Variants in PEDS1 observed in about 807,000 individuals in gnomAD.
PEDS1 encodes the protein CarF homolog.
A neutral mutation model predicts 35.2 loss-of-function variants in PEDS1; 14 were observed. That is an observed-to-expected ratio of 0.40 (90% CI 0.26 to 0.62). The LOEUF (loss-of-function observed/expected upper bound fraction) is 0.62, where lower values mean the gene tolerates loss of function less well. Among genes scored for constraint, PEDS1 ranks in the 20% least tolerant of loss-of-function variants. The probability of loss-of-function intolerance (pLI) is 0.44; values close to 1 mark genes in which losing one functional copy is unlikely to be tolerated. For missense variants in PEDS1, 260 were observed against 367.8 expected, an observed-to-expected ratio of 0.71 and a Z score of 2.40; for synonymous variants, 152 against 152.0, an observed-to-expected ratio of 1.00 and a Z score of 0.00.
At chr20:50,146,344 G>A (rs190405943) in intron 1 of PEDS1, among the ~76,000 whole-genome samples, 3 of 152,212 alleles carry the variant, frequency 2.0e-5, no homozygotes, top group Non-Finnish European at 2.9e-5. Context: ...CTGTGGCCTT[G>A]TCTACGTTTG....
At chr20:50,136,098 T>A (rs545235139) in intron 2 of PEDS1, among the ~76,000 whole-genome samples, 1,847 of 145,654 alleles carry the variant, frequency 0.013, 41 homozygotes, top group African/African-American at 0.043. Flanking sequence ...CTACTTTTTT[T>A]AAAAAAAAAA....
In PEDS1 at chr20:50,129,209, C is replaced by A. The variant is rs888479005; in HGVS notation, c.478+337G>T. ...CAGAAGCCCTGCCAGGCAGGTAACA[C>A]AAATGAACAAGGTGGGTTGGGTGCA... On this transcript the variant is annotated intron_variant, in intron 4 of 5. Coordinates refer to ENST00000371652, the MANE Select transcript of PEDS1 (RefSeq NM_199129.4). This position sits in a 1 kb window ranked among gnomAD's most constrained non-coding sequence, Gnocchi z 4.2. Among the ~76,000 whole-genome samples the A allele has an allele frequency of 3.9e-5, 6 of 152,178 alleles. No homozygotes were observed. Among genetic ancestry groups the A allele is most frequent in the African/African-American group, 1.4e-4 (6 of 41,454 alleles).
Position 50,129,749 on chromosome 20 carries a change from C to T in PEDS1, c.334-59G>A. On this transcript the variant is annotated intron_variant, in intron 3 of 5. Coordinates refer to ENST00000371652, the MANE Select transcript of PEDS1 (RefSeq NM_199129.4). The surrounding 1 kb of genome is among the most constrained non-coding windows in gnomAD (Gnocchi z 4.2). ...GCCTAAGGTGGTCAGCTGCTCTCCA[C>T]AGCCCCCTAAACACATTCACCCTGG... 6.2e-7 allele frequency: 1 copy of T among 1,600,490 alleles called. No homozygotes were observed. The highest frequency in any genetic ancestry group is 1.3e-5 in the African/African-American group (1 of 74,922).
intron 2 of PEDS1, among the ~76,000 whole-genome samples, chr20:50,132,020 A>G (rs2081185794): frequency 6.6e-6 from 1 of 152,114 alleles, no homozygotes; most frequent in Admixed American, 6.6e-5. Context: ...CCTGGCCAAC[A>G]TGGTGAAACC....
intron 2 of PEDS1, among the ~76,000 whole-genome samples, chr20:50,140,052 C>T (rs2081276936): frequency 6.6e-6 from 1 of 152,204 alleles, no homozygotes; most frequent in Admixed American, 6.5e-5. Flanking sequence ...GCCTGCTCTG[C>T]CGATGACCTC....
chr20:50,141,501 G>A (rs1409984134), intron 2 of PEDS1, among the ~76,000 whole-genome samples: 1 of 152,208 alleles, frequency 6.6e-6, no homozygotes, highest in Non-Finnish European at 1.5e-5. Context: ...CTTCACAACA[G>A]CCCTAGGAGG....
At chr20:50,125,224 C>T (rs756797457) in intron 5 of PEDS1, 45 bp from the exon 6 acceptor site, 22 of 1,605,094 alleles carry the variant, frequency 1.4e-5, no homozygotes, top group Non-Finnish European at 1.7e-5. Flanking sequence ...AGAGAGTAGT[C>T]AAGGGGACAT....
At chr20:50,130,743 T>C (rs977068873) in intron 3 of PEDS1, 113 bp downstream of exon 3, 38 of 1,349,044 alleles carry the variant, frequency 2.8e-5, no homozygotes, top group Non-Finnish European at 3.7e-5. Context: ...CAGGCTGCAA[T>C]GATGGTTCCC....
intron 5 of PEDS1, among the ~76,000 whole-genome samples, chr20:50,126,411 A>G (rs2081104559): frequency 6.6e-6 from 1 of 152,078 alleles, no homozygotes; most frequent in Non-Finnish European, 1.5e-5. Flanking sequence ...TAATCCCTCC[A>G]CCTGCCTTCC....
At position 50,121,490 on chromosome 20, in the gene PEDS1, C is replaced by A. The variant is rs1449630120; in HGVS notation, c.*3568G>T. 1 of 152,274 alleles carries A rather than the reference C, an allele frequency of 6.6e-6. No individual in the cohort carries two copies. The highest frequency in any genetic ancestry group is 2.4e-5 in the African/African-American group (1 of 41,440). 9.4% of individuals were successfully genotyped at this position (152,274 alleles called of 1,614,324 possible). On this transcript the variant is annotated 3_prime_UTR_variant, in exon 6 of 6. Transcript: ENST00000371652. ...TCACTTCTCAGAGCTGCAGGGACTGCTTGACAGGACCCATGCCAGAGCTCT... is the reference window on the plus strand; with the variant it reads ...TCACTTCTCAGAGCTGCAGGGACTGATTGACAGGACCCATGCCAGAGCTCT...
chr20:50,147,035 A>G (rs2081352751), intron 1 of PEDS1, among the ~76,000 whole-genome samples: 2 of 152,250 alleles, frequency 1.3e-5, no homozygotes, highest in Non-Finnish European at 2.9e-5. Flanking sequence ...AGAACAAGTG[A>G]ACCTTCCCGA....
intron 1 of PEDS1, among the ~76,000 whole-genome samples, chr20:50,150,687 G>A (rs1274478973): frequency 9.4e-5 from 14 of 149,180 alleles, no homozygotes; most frequent in Admixed American, 3.3e-4. Context: ...TGCCAGCTCC[G>A]TTTTTTTCTT....
rs1393151218 is a variant in PEDS1, at chr20:50,124,681, G to A, written c.*377C>T. ...TGCCTGGGGGCTCCCCAGACCACTG[G>A]GGCCAGACAAGGAGGGAAAGAGGCA... On this transcript the variant is annotated 3_prime_UTR_variant, in exon 6 of 6. Coordinates refer to ENST00000371652, the MANE Select transcript of PEDS1 (RefSeq NM_199129.4). The A allele has an allele frequency of 4.8e-6, 1 of 207,234 alleles. No homozygotes were observed. Among genetic ancestry groups the A allele is most frequent in the Admixed American group, 5.2e-5 (1 of 19,088 alleles). 12.8% of individuals were successfully genotyped at this position (207,234 alleles called of 1,614,324 possible).
chr20:50,143,631 G>A lies in PEDS1; in HGVS notation c.122-10C>T, dbSNP rs763229343. The A allele has an allele frequency of 5.6e-6, 9 of 1,613,878 alleles. No homozygotes were observed. Among genetic ancestry groups the A allele is most frequent in the African/African-American group, 1.3e-5 (1 of 74,906 alleles). ...TCCTGGAGGCGCTTGCCTGCAGGGA[G>A]CAGAGGCGAGAGGTAAAGGCTGGAA... On this transcript the variant is annotated splice_polypyrimidine_tract_variant and intron_variant, in intron 1 of 5. Transcript: ENST00000371652.
In PEDS1 at chr20:50,153,658, C is replaced by G. The variant is rs976558691; in HGVS notation, c.-21G>C. ...GCCATGGCCACTCGCCCGATCGGCC[C>G]GGTGCGCTCTGCTGGCGGCGGCGGC... On this transcript the variant is annotated 5_prime_UTR_variant, in exon 1 of 6. Coordinates refer to ENST00000371652, the MANE Select transcript of PEDS1 (RefSeq NM_199129.4). 4.9e-6 allele frequency: 6 copies of G among 1,223,718 alleles called. No individual in the cohort carries two copies. The African/African-American group carries it at 7.8e-5, about 16-fold the overall frequency. The allele number at this position is 1,223,718 out of a possible 1,614,324, so 75.8% of individuals were successfully genotyped here. A position where few individuals can be genotyped will look rare whatever the true frequency, so the allele number is the denominator to read the frequency against.
At position 50,153,654 on chromosome 20, in the gene PEDS1, G is replaced by C. The variant is rs1168341357; in HGVS notation, c.-17C>G. On this transcript the variant is annotated 5_prime_UTR_variant, in exon 1 of 6. Transcript: ENST00000371652. ...GCCCGCCATGGCCACTCGCCCGATC[G>C]GCCCGGTGCGCTCTGCTGGCGGCGG... 7 of 1,225,864 alleles carry C rather than the reference G, an allele frequency of 5.7e-6. No homozygotes were observed. Among genetic ancestry groups the C allele is most frequent in the East Asian group, 6.4e-5 (2 of 31,164 alleles). The allele number at this position is 1,225,864 out of a possible 1,614,324, so 75.9% of individuals were successfully genotyped here.
Position 50,121,726 on chromosome 20 carries a change from C to G in PEDS1, c.*3332G>C, listed in dbSNP as rs2081052650. The G allele has an allele frequency of 6.6e-6, 1 of 152,206 alleles. No homozygotes were observed. The highest frequency in any genetic ancestry group is 6.5e-5 in the Admixed American group (1 of 15,272). The allele number at this position is 152,206 out of a possible 1,614,324, so 9.4% of individuals were successfully genotyped here. A position where few individuals can be genotyped will look rare whatever the true frequency, so the allele number is the denominator to read the frequency against. ...AAATGGTCTGAGTCTGAGGGCTGCT[C>G]TACCCTTACTACCTGTGGGACCTTG... is the stretch of plus-strand genomic sequence containing the variant. On this transcript the variant is annotated 3_prime_UTR_variant, in exon 6 of 6. Transcript: ENST00000371652.
Position 50,124,894 on chromosome 20 carries a change from G to T in PEDS1, c.*164C>A. On this transcript the variant is annotated 3_prime_UTR_variant, in exon 6 of 6. Transcript: ENST00000371652. ...AAAAAAAAGAAATGAAAAATCAGTG[G>T]CTCAAGTATTCTGTGTCATGAGGGG... 1.1e-6 allele frequency: 1 copy of T among 874,002 alleles called. No homozygotes were observed. The highest frequency in any genetic ancestry group is 1.9e-5 in the South Asian group (1 of 52,924). The allele number at this position is 874,002 out of a possible 1,614,324, so 54.1% of individuals were successfully genotyped here. A position where few individuals can be genotyped will look rare whatever the true frequency, so the allele number is the denominator to read the frequency against.
At chr20:50,125,603 CTATT>C (rs1392685018) in intron 5 of PEDS1, among the ~76,000 whole-genome samples, 2 of 150,848 alleles carry the variant, frequency 1.3e-5, no homozygotes, top group Non-Finnish European at 3.0e-5. Context: ...ATTTATCTAT[CTATT>C]TATTTGAGAC....
Sources: allele counts gnomAD v4.1 joint callset (sites outside exome capture counted in the v4.1 genomes callset), GRCh38; gene constraint gnomAD v4.1.1; non-coding constraint Gnocchi (gnomAD v3.1); transcripts MANE v1.5; gene names NCBI Gene and HGNC (gene_info 2026-07-23, HGNC 2026-07-21).